The following PDXDC1 variants were observed in gnomAD, a reference collection of about 807,000 sequenced individuals.
PDXDC1 encodes the protein pyridoxal-dependent decarboxylase domain-containing protein 1.
A neutral mutation model predicts 100.1 loss-of-function variants in PDXDC1; 42 were observed. The ratio of observed to expected loss-of-function variants is 0.42; its 90% CI spans 0.33 to 0.54. PDXDC1 has a LOEUF of 0.54. Ranked by LOEUF, PDXDC1 falls within the 20% of genes least tolerant of loss-of-function variation. The probability of loss-of-function intolerance (pLI) is 0.10; values close to 1 mark genes in which losing one functional copy is unlikely to be tolerated. For synonymous variants in PDXDC1, 260 were observed against 371.7 expected (o/e 0.70, Z 3.46); for missense variants, 636 against 979.2 (o/e 0.65, Z 4.68).
At chr16:15,122,911 T>G (rs1598179293) in intron 16 of PDXDC1, among the ~76,000 whole-genome samples, 8 of 127,700 alleles carry the variant, frequency 6.3e-5, no homozygotes, top group Non-Finnish European at 8.4e-5. Flanking sequence ...CTGGAGGAGG[T>G]GGAGGAGGAG....
chr16:15,024,021 G>A (rs982131651), intron 13 of PDXDC1, among the ~76,000 whole-genome samples: 2 of 152,282 alleles, frequency 1.3e-5, no homozygotes, highest in African/African-American at 4.8e-5. Flanking sequence ...CCCCTGCCAT[G>A]TTGAGCGCAC....
chr16:15,055,122 TG>T (rs2044452556), intron 16 of PDXDC1, among the ~76,000 whole-genome samples: 1 of 152,144 alleles, frequency 6.6e-6, no homozygotes, highest in Admixed American at 6.5e-5. Context: ...ATCAAGGAAC[TG>T]ATTGATTCCC....
intron 14 of PDXDC1, among the ~76,000 whole-genome samples, chr16:15,028,014 G>A (rs1235515679): frequency 2.0e-5 from 3 of 152,270 alleles, no homozygotes; most frequent in South Asian, 4.1e-4. Flanking sequence ...CAGCACTCCC[G>A]TATCAGTGTC....
intron 2 of PDXDC1, 108 bp from the exon 3 acceptor site, chr16:14,998,232 C>T: frequency 1.9e-6 from 2 of 1,028,114 alleles, no homozygotes; most frequent in Admixed American, 2.7e-5. Flanking sequence ...TGAAATCCTG[C>T]CTCAGTCACT....
intron 16 of PDXDC1, among the ~76,000 whole-genome samples, chr16:15,117,423 C>T (rs1378949776): frequency 2.7e-5 from 4 of 147,534 alleles, no homozygotes; most frequent in Admixed American, 6.8e-5. Flanking sequence ...CACTGGGAGG[C>T]CGAGGCAGGC....
At chr16:14,997,275 A>T (rs1972179667) in intron 1 of PDXDC1, among the ~76,000 whole-genome samples, 1 of 152,294 alleles carries the variant, frequency 6.6e-6, no homozygotes, top group Admixed American at 6.5e-5. Context: ...GGTGGCTCAC[A>T]CCTGCAATCC....
At chr16:15,131,697 G>A in intron 16 of PDXDC1, 3 of 1,422,936 alleles carry the variant, frequency 2.1e-6, no homozygotes, top group Non-Finnish European at 2.8e-6. Context: ...TGGCCAGGTG[G>A]ATGAGGTCTC....
intron 16 of PDXDC1, chr16:15,055,707 C>T: frequency 2.7e-6 from 1 of 377,176 alleles, no homozygotes; most frequent in Non-Finnish European, 4.7e-6. Context: ...CGGGGCAGCC[C>T]GCTGAAGTCT....
chr16:14,981,995 A>AT (rs1164458071), intron 1 of PDXDC1, among the ~76,000 whole-genome samples: 12 of 152,354 alleles, frequency 7.9e-5, no homozygotes, highest in African/African-American at 2.6e-4. Context: ...CGCCCAGCTA[A>AT]TTTTTTGTAT....
chr16:15,045,310 T>C (rs1465287485), intron 16 of PDXDC1: 1 of 145,476 alleles, frequency 6.9e-6, no homozygotes, highest in African/African-American at 2.6e-5. Flanking sequence ...GGGGAAAAAA[T>C]AAATAAGTAA....
At chr16:14,984,174 C>A (rs1312812406) in intron 1 of PDXDC1, among the ~76,000 whole-genome samples, 1 of 148,584 alleles carries the variant, frequency 6.7e-6, no homozygotes, top group Non-Finnish European at 1.5e-5. Context: ...AAAATAAGTC[C>A]CCTACCCACC....
downstream of PDXDC1, among the ~76,000 whole-genome samples, chr16:15,140,390 G>T (rs1193246513): frequency 2.7e-5 from 4 of 146,526 alleles, no homozygotes; most frequent in Non-Finnish European, 6.0e-5. Context: ...GTTGCAGTGA[G>T]CTGAGATCGC....
rs1289879960 is a variant in PDXDC1 at position 14,984,327 on chromosome 16, T to A, written c.21+9107T>A. Among the ~76,000 whole-genome samples the A allele has an allele frequency of 2.0e-5, 3 of 150,788 alleles. No homozygotes were observed. The East Asian group carries it at 5.9e-4, about 30-fold the overall frequency. On this transcript the variant is annotated intron_variant, in intron 1 of 22. Coordinates refer to ENST00000396410, the MANE Select transcript of PDXDC1 (RefSeq NM_015027.4). ...CCTGCACCCCCGCCTTTTTTTTTTT[T>A]TTTTTTTTTAACTTAGATTTGTCCT...
intron 2 of PDXDC1, among the ~76,000 whole-genome samples, 191 bp from the exon 3 acceptor site, chr16:14,998,149 T>C (rs1373903162): frequency 1.3e-5 from 2 of 152,288 alleles, no homozygotes; most frequent in Non-Finnish European, 2.9e-5. Context: ...ACTTTTTTGT[T>C]GCATATTCTT....
intron 16 of PDXDC1, among the ~76,000 whole-genome samples, chr16:15,122,118 C>G (rs2151892901): frequency 6.6e-6 from 1 of 151,962 alleles, no homozygotes; most frequent in Non-Finnish European, 1.5e-5. Flanking sequence ...GAGCCGAGAT[C>G]TTGCCACTGC....
downstream of PDXDC1, among the ~76,000 whole-genome samples, chr16:15,142,547 A>G (rs1393630034): frequency 6.6e-6 from 1 of 151,848 alleles, no homozygotes; most frequent in Non-Finnish European, 1.5e-5. Context: ...GGTAGGACTC[A>G]GGTGCCCCCT....
At chr16:15,147,083 G>A in the PDXDC1 span, among the ~76,000 whole-genome samples, 2 of 145,532 alleles carry the variant, frequency 1.4e-5, no homozygotes, top group Non-Finnish European at 3.0e-5. Context: ...AGCCAGGGAG[G>A]GAGAGGTGGG....
intron 16 of PDXDC1, chr16:15,085,807 T>G: frequency 2.0e-6 from 3 of 1,465,704 alleles, no homozygotes; most frequent in Non-Finnish European, 2.8e-6. Context: ...AAAAAGTTAT[T>G]TTTCCATAAT....
chr16:15,104,316 T>C lies in PDXDC1; in HGVS notation c.1400-34563T>C, dbSNP rs550904895. On this transcript the variant is annotated intron_variant, in intron 16 of 16. Transcript: ENST00000535621. ...AATAACATAAGGACTGCAGTATTCA[T>C]TTTATTTTTATATTATTTATTTATT... 1,760 of 1,522,214 alleles carry C rather than the reference T, an allele frequency of 1.2e-3. 4 individuals are homozygous for C. Among genetic ancestry groups the C allele is most frequent in the Non-Finnish European group, 1.4e-3 (1,559 of 1,134,038 alleles). The allele number at this position is 1,522,214 out of a possible 1,614,324, so 94.3% of individuals were successfully genotyped here.
Sources: gnomAD v4.1 joint callset for allele counts (sites outside exome capture counted in the v4.1 genomes callset) on GRCh38, gnomAD v4.1.1 for gene constraint, MANE v1.5 for transcripts, NCBI Gene and HGNC (gene_info 2026-07-23, HGNC 2026-07-21) for gene names.